ROBO1: variants seen among roughly 807,000 people sequenced by gnomAD.
ROBO1 encodes the protein roundabout homolog 1.
Under a neutral mutation model 195.9 loss-of-function variants are expected in ROBO1, and 149 were observed. The ratio of observed to expected loss-of-function variants is 0.76; its 90% CI spans 0.67 to 0.87. The LOEUF (loss-of-function observed/expected upper bound fraction) is 0.87. Among genes scored for constraint, ROBO1 ranks in the 40% least tolerant of loss-of-function variants. The probability of loss-of-function intolerance (pLI) is 0.00; values close to 1 mark genes in which losing one functional copy is unlikely to be tolerated. For missense variants in ROBO1, 1,933 were observed against 2,068.3 expected (o/e 0.93, Z 1.27); for synonymous variants, 816 against 733.2 (o/e 1.11, Z -1.82).
At chr3:79,204,576 G>C (rs774755815) in intron 2 of ROBO1, among the ~76,000 whole-genome samples, 8 of 152,028 alleles carry the variant, frequency 5.3e-5, no homozygotes, top group Non-Finnish European at 1.2e-4. Flanking sequence ...GTGGGTTGTG[G>C]GAATATAGCA....
chr3:79,563,192 C>G (rs1051906195), intron 2 of ROBO1, among the ~76,000 whole-genome samples: 5 of 151,914 alleles, frequency 3.3e-5, no homozygotes, highest in Non-Finnish European at 5.9e-5. Context: ...TATTGCAACC[C>G]CCTTCAACTT....
intron 3 of ROBO1, among the ~76,000 whole-genome samples, chr3:79,008,318 A>G (rs1403985047): frequency 6.6e-6 from 1 of 152,196 alleles, no homozygotes; most frequent in East Asian, 1.9e-4. Context: ...AACATTCCTT[A>G]AAGTGTCTAA....
At chr3:78,713,547 T>C (rs1317812739) in intron 8 of ROBO1, among the ~76,000 whole-genome samples, 1 of 151,954 alleles carries the variant, frequency 6.6e-6, no homozygotes, top group African/African-American at 2.4e-5. Flanking sequence ...AATTCCATAA[T>C]AGACAACTTG....
At chr3:78,651,950 T>A (rs1706689926) in intron 18 of ROBO1, 21 bp from the exon 19 acceptor site, 2 of 1,601,262 alleles carry the variant, frequency 1.2e-6, no homozygotes, top group Non-Finnish European at 1.7e-6. Context: ...ATCTTCCGAT[T>A]AATTTGGGTT....
At chr3:79,503,698 A>T (rs1940239665) in intron 2 of ROBO1, among the ~76,000 whole-genome samples, 1 of 152,242 alleles carries the variant, frequency 6.6e-6, no homozygotes, top group Admixed American at 6.5e-5. Flanking sequence ...TTTAGACTTC[A>T]TAATTGTCTC....
intron 10 of ROBO1, among the ~76,000 whole-genome samples, chr3:78,680,232 G>C (rs2080860952): frequency 6.6e-6 from 1 of 152,100 alleles, no homozygotes; most frequent in Admixed American, 6.6e-5. Context: ...AAAAACCCTA[G>C]AAGAAAACCT....
At chr3:78,885,096 G>A (rs1462727312) in intron 4 of ROBO1, among the ~76,000 whole-genome samples, 1 of 152,072 alleles carries the variant, frequency 6.6e-6, no homozygotes, top group Admixed American at 6.6e-5. Flanking sequence ...AGGAGATCAC[G>A]TCCTTTGCAG....
intron 2 of ROBO1, among the ~76,000 whole-genome samples, chr3:79,339,950 A>G (rs946681937): frequency 5.9e-5 from 9 of 152,200 alleles, no homozygotes; most frequent in East Asian, 1.9e-4. Flanking sequence ...CTCCACTCCA[A>G]TGACTTTGAT....
chr3:78,856,936 T>A (rs2034480830), intron 4 of ROBO1, among the ~76,000 whole-genome samples: 1 of 151,900 alleles, frequency 6.6e-6, no homozygotes, highest in Admixed American at 6.6e-5. Flanking sequence ...CTATTTTTAA[T>A]CTTTTAAAAT....
At chr3:78,795,105 T>A (rs1023298711) in intron 4 of ROBO1, among the ~76,000 whole-genome samples, 1 of 152,038 alleles carries the variant, frequency 6.6e-6, no homozygotes, top group African/African-American at 2.4e-5. Context: ...GAAAAAAAAA[T>A]TTGGCCTGTA....
At chr3:79,036,996 G>A (rs2078392403) in intron 3 of ROBO1, among the ~76,000 whole-genome samples, 1 of 152,088 alleles carries the variant, frequency 6.6e-6, no homozygotes, top group Non-Finnish European at 1.5e-5. Context: ...TAACAGGATG[G>A]CTCTAAAGAG....
At position 78,779,925 on chromosome 3, in the gene ROBO1, G is replaced by A. The variant is rs143835328; in HGVS notation, c.500-33025C>T. Among the ~76,000 whole-genome samples, 928 of 152,174 alleles carry A rather than the reference G, an allele frequency of 6.1e-3. 10 individuals are homozygous for A. The highest frequency in any genetic ancestry group is 0.034 in the South Asian group (166 of 4,824). ...ATACACCATGGAATACTATGCAGCC[G>A]TAAAAAAGAATGAGTTCATGTCCTT... On this transcript the variant is annotated intron_variant, in intron 4 of 30. Transcript: ENST00000464233.
At chr3:79,459,682 T>G (rs1170451531) in intron 2 of ROBO1, among the ~76,000 whole-genome samples, 1 of 152,070 alleles carries the variant, frequency 6.6e-6, no homozygotes, top group Non-Finnish European at 1.5e-5. Context: ...ACTGTACAGA[T>G]TTTCATAATA....
At chr3:79,244,445 A>C (rs1457785366) in intron 2 of ROBO1, among the ~76,000 whole-genome samples, 1 of 152,158 alleles carries the variant, frequency 6.6e-6, no homozygotes, top group Non-Finnish European at 1.5e-5. Flanking sequence ...TACCCCCAGG[A>C]TGGTTTTTAA....
At position 79,144,806 on chromosome 3, in the gene ROBO1, T is replaced by C. The variant is rs565189905; in HGVS notation, c.89-19267A>G. On this transcript the variant is annotated intron_variant, in intron 2 of 30. Coordinates refer to ENST00000464233, the MANE Select transcript of ROBO1 (RefSeq NM_002941.4). ...AAGCCAAAAATAATAATCATTTAAG[T>C]ATGCAAGATCCATCAGACGGAAATC... 5.9e-5 allele frequency among the ~76,000 whole-genome samples: 9 copies of C among 152,108 alleles called. No individual in the cohort carries two copies. The East Asian group carries it at 1.5e-3, about 26-fold the overall frequency.
chr3:79,012,895 G>A (rs903887234), intron 3 of ROBO1, among the ~76,000 whole-genome samples: 4 of 152,130 alleles, frequency 2.6e-5, no homozygotes, highest in Non-Finnish European at 5.9e-5. Flanking sequence ...GAAGGAAGGG[G>A]CTGAAAGTGG....
intron 2 of ROBO1, among the ~76,000 whole-genome samples, chr3:79,241,209 A>G (rs1279877719): frequency 6.6e-6 from 1 of 152,196 alleles, no homozygotes; most frequent in Non-Finnish European, 1.5e-5. Flanking sequence ...TCGAAAGACT[A>G]TGCTACAAAG....
At chr3:79,072,081 TA>T (rs1175305927) in intron 3 of ROBO1, among the ~76,000 whole-genome samples, 108 of 152,024 alleles carry the variant, frequency 7.1e-4, no homozygotes, top group Non-Finnish European at 4.4e-5. Context: ...GTAAATAAAT[TA>T]AATCTTTCTA....
chr3:78,676,024 C>A (rs191779486), intron 10 of ROBO1, among the ~76,000 whole-genome samples: 50 of 152,206 alleles, frequency 3.3e-4, no homozygotes, highest in African/African-American at 1.2e-3. Context: ...TCATGAAAAT[C>A]CACTGTTCTG....
Sources: gnomAD v4.1 joint callset for allele counts (sites outside exome capture counted in the v4.1 genomes callset) on GRCh38, gnomAD v4.1.1 for gene constraint, MANE v1.5 for transcripts, NCBI Gene and HGNC (gene_info 2026-07-23, HGNC 2026-07-21) for gene names.